Variants in PRDM2 observed in about 807,000 individuals in gnomAD.
PRDM2 encodes PR/SET domain 2.
A neutral mutation model predicts 130.0 loss-of-function variants in PRDM2; 30 were observed. That is an observed-to-expected ratio of 0.23 (90% CI 0.17 to 0.31). The LOEUF (loss-of-function observed/expected upper bound fraction) is 0.31. Ranked by LOEUF, PRDM2 falls within the 10% of genes least tolerant of loss-of-function variation. The pLI, the probability that PRDM2 is intolerant of heterozygous loss-of-function variation, is 1.00. For synonymous variants in PRDM2, 871 were observed against 782.4 expected, an observed-to-expected ratio of 1.11 and a Z score of -1.89; for missense variants, 2,011 against 2,108.4, an observed-to-expected ratio of 0.95 and a Z score of 0.90.
chr1:13,780,387 A>G lies in PRDM2; in HGVS notation c.2592A>G (p.Glu864=). 1 of 1,614,200 alleles carries G rather than the reference A, an allele frequency of 6.2e-7. No individual in the cohort carries two copies. Among genetic ancestry groups the G allele is most frequent in the Non-Finnish European group, 8.5e-7 (1 of 1,180,046 alleles). The change falls in exon 8 of 10, where the codon GAA becomes GAG. Residue 864 remains glutamate, a synonymous_variant. Coordinates refer to ENST00000311066, the MANE Select transcript of PRDM2 (RefSeq NM_001393986.1). ...ATTGTAGTGACTCTGAAGGCAAGGA[A>G]TTCAAAGAAAGTCATTCAGTGCAGC... ...KKHCSDSEGK[E]FKESHSVQPT... is the part of the protein sequence containing the mutation.
intron 6 of PRDM2, among the ~76,000 whole-genome samples, chr1:13,759,162 C>CA (rs1644035900): frequency 7.1e-6 from 1 of 140,950 alleles, no homozygotes; most frequent in African/African-American, 2.6e-5. Flanking sequence ...TTCCCCTACC[C>CA]TTTTTTTTTT....
At chr1:13,742,250 G>T (rs1306126755) in intron 5 of PRDM2, 93 bp downstream of exon 5, 25 of 1,379,932 alleles carry the variant, frequency 1.8e-5, no homozygotes, top group Non-Finnish European at 2.4e-5. Context: ...TCTCAGGCTG[G>T]AGTGCAGGGG....
At chr1:13,795,834 C>G (rs1406304667) in intron 8 of PRDM2, among the ~76,000 whole-genome samples, 1 of 152,178 alleles carries the variant, frequency 6.6e-6, no homozygotes, top group Admixed American at 6.5e-5. Flanking sequence ...ACTTCTCCCC[C>G]TTCTATTTTC....
Position 13,780,876 on chromosome 1 carries a change from GTCCCCC to G in PRDM2, c.3084_3089del (p.Ser1032_Pro1033del). ...CACTTCCAATTCTGTCCCCAACAGT[GTCCCCC>G]TCTCCCTCTCCCATTCCTCCCGTGG... is the stretch of plus-strand genomic sequence containing the variant. On this transcript the variant is annotated inframe_deletion, in exon 8 of 10. Transcript: ENST00000311066. 1 of 1,610,890 alleles carries G rather than the reference GTCCCCC, an allele frequency of 6.2e-7. No individual in the cohort carries two copies. Among genetic ancestry groups the G allele is most frequent in the South Asian group, 1.1e-5 (1 of 90,956 alleles).
chr1:13,789,075 T>A (rs1380303408), intron 8 of PRDM2, among the ~76,000 whole-genome samples: 1 of 152,184 alleles, frequency 6.6e-6, no homozygotes, highest in Non-Finnish European at 1.5e-5. Flanking sequence ...TGTCCCTGGC[T>A]CTGCCTGGAA....
chr1:13,704,665 A>G (rs1015185260), intron 1 of PRDM2, among the ~76,000 whole-genome samples: 2 of 152,208 alleles, frequency 1.3e-5, no homozygotes, highest in Non-Finnish European at 2.9e-5. Flanking sequence ...CACACATTTT[A>G]TATGTGCTTA....
intron 4 of PRDM2, among the ~76,000 whole-genome samples, chr1:13,741,263 G>A (rs894848718): frequency 3.9e-5 from 6 of 152,182 alleles, no homozygotes; most frequent in Non-Finnish European, 7.4e-5. Flanking sequence ...AGAAGGGAAG[G>A]CTTCTTGCAA....
chr1:13,784,356 A>C (rs1644690435), intron 8 of PRDM2, among the ~76,000 whole-genome samples: 1 of 152,210 alleles, frequency 6.6e-6, no homozygotes. Flanking sequence ...GTCTTCAACA[A>C]GCAGAGTGTG....
chr1:13,782,027 A>G lies in PRDM2; in HGVS notation c.4232A>G (p.Lys1411Arg). Reference sequence around the variant, plus strand: ...CTTAACTTTAGTGTTGAGCTCAGCAAAATGTCGTCGAATAAGCTCAAATTA... The same window carrying G: ...CTTAACTTTAGTGTTGAGCTCAGCAGAATGTCGTCGAATAAGCTCAAATTA... ...KRLNFSVELSKMSSNKLKLNA... is the reference protein window; with the variant it reads ...KRLNFSVELSRMSSNKLKLNA... Residue 1411 changes from lysine (K) to arginine (R), a missense_variant, in exon 8 of 10, where the codon AAA becomes AGA. Physicochemically the swap from Lys to Arg is conservative, Grantham distance 26. This residue lies in a region of PRDM2 where 410 missense variants were observed against 395.9 expected (regional missense o/e 1.04). Transcript: ENST00000311066. The G allele has an allele frequency of 6.2e-7, 1 of 1,614,140 alleles. No individual in the cohort carries two copies. Among genetic ancestry groups the G allele is most frequent in the South Asian group, 1.1e-5 (1 of 91,086 alleles).
chr1:13,762,126 AGGCACTGTGT>A (rs1320683597), intron 6 of PRDM2, among the ~76,000 whole-genome samples: 3 of 152,236 alleles, frequency 2.0e-5, no homozygotes, highest in African/African-American at 7.2e-5. Context: ...AGTCTGTGCC[AGGCACTGTGT>A]GGCATTCGTT....
rs1402163168 is a variant in PRDM2, at chr1:13,780,607, G to T, written c.2812G>T (p.Val938Phe). Residue 938 changes from valine (V) to phenylalanine (F), a missense_variant, in exon 8 of 10, where the codon GTT (valine) becomes TTT (phenylalanine). This residue lies in a region of PRDM2 where 1,288 missense variants were observed against 1,237.7 expected (regional missense o/e 1.04). Coordinates refer to ENST00000311066, the MANE Select transcript of PRDM2 (RefSeq NM_001393986.1). Reference protein sequence around the residue: ...GPGSGFPAPTVESTPDVCPSS... With the variant: ...GPGSGFPAPTFESTPDVCPSS... ...GGGCTCTGGTTTCCCTGCCCCTACT[G>T]TTGAGTCCACACCTGATGTTTGTCC... 6.2e-7 allele frequency: 1 copy of T among 1,614,042 alleles called. No individual in the cohort carries two copies. The highest frequency in any genetic ancestry group is 1.1e-5 in the South Asian group (1 of 91,082).
intron 8 of PRDM2, among the ~76,000 whole-genome samples, chr1:13,795,854 T>C (rs2100718395): frequency 6.6e-6 from 1 of 152,332 alleles, no homozygotes; most frequent in East Asian, 1.9e-4. Context: ...CACAGAAGTC[T>C]TTCCAAGCCA....
rs778589720 is a variant in PRDM2, at chr1:13,778,508, A to G, written c.713A>G (p.Glu238Gly). ...GTGGCCAGTCAGGAGGTGCCTCCAGAACTAGCAACCCCTGCCCCTGCCTGG... is the reference window on the plus strand; with the variant it reads ...GTGGCCAGTCAGGAGGTGCCTCCAGGACTAGCAACCCCTGCCCCTGCCTGG... ...QEVASQEVPP[E>G]LATPAPAWEP... The change falls in exon 8 of 10, where the codon GAA (glutamate) becomes GGA (glycine). Residue 238 changes from glutamate (E) to glycine (G), a missense_variant. By Grantham distance (98) the Glu-to-Gly change is moderately conservative. Transcript: ENST00000311066. 4 of 1,614,178 alleles carry G rather than the reference A, an allele frequency of 2.5e-6. No homozygotes were observed. The East Asian group carries it at 6.7e-5, about 27-fold the overall frequency.
chr1:13,799,468 C>T (rs868692939), intron 8 of PRDM2, among the ~76,000 whole-genome samples: 2 of 149,726 alleles, frequency 1.3e-5, no homozygotes, highest in Middle Eastern at 3.5e-3. Context: ...AAAGTGAGAA[C>T]ATTTTGCAAA....
At chr1:13,734,162 T>C (rs1643197038) in intron 4 of PRDM2, among the ~76,000 whole-genome samples, 1 of 152,256 alleles carries the variant, frequency 6.6e-6, no homozygotes, top group Admixed American at 6.5e-5. Flanking sequence ...CATTGCATTC[T>C]GTTATTTCAC....
rs762292463 is a variant in PRDM2, at chr1:13,781,000, T to G, written c.3205T>G (p.Ser1069Ala). The change falls in exon 8 of 10, where the codon TCC (serine) becomes GCC (alanine). Residue 1069 changes from serine to alanine, a missense_variant. Around this residue, in one of 5 missense-constraint regions of PRDM2, gnomAD observed 1,288 missense variants for 1,237.7 expected, o/e 1.04. Coordinates refer to ENST00000311066, the MANE Select transcript of PRDM2 (RefSeq NM_001393986.1). The part of the protein sequence containing the change: ...SSSSSFSSSS[S>A]SSSPSPPPLS... ...CTCCTCTTCGTTTTCTTCTTCATCT[T>G]CCTCCTCTTCTCCTTCTCCACCTCC... is the stretch of plus-strand genomic sequence containing the variant. The G allele has an allele frequency of 6.2e-7, 1 of 1,601,184 alleles. No individual in the cohort carries two copies. Among genetic ancestry groups the G allele is most frequent in the Non-Finnish European group, 8.6e-7 (1 of 1,168,442 alleles).
In PRDM2 at chr1:13,782,295, A is replaced by G. The variant is rs780064496; in HGVS notation, c.4500A>G (p.Ser1500=). The G allele has an allele frequency of 3.7e-6, 6 of 1,614,052 alleles. No individual in the cohort carries two copies. The highest frequency in any genetic ancestry group is 4.5e-5 in the East Asian group (2 of 44,884). ...VSHSSKKGGH[S]SPASSDKNSN... ...ATTCATCTAAGAAAGGTGGACACTC[A>G]TCACCTGCAAGTAGTGACAAAAACA... The change falls in exon 8 of 10, where the codon TCA becomes TCG. Residue 1500 remains serine, a synonymous_variant. Coordinates refer to ENST00000311066, the MANE Select transcript of PRDM2 (RefSeq NM_001393986.1).
At chr1:13,760,619 A>T (rs1203632) in intron 6 of PRDM2, among the ~76,000 whole-genome samples, 4 of 152,066 alleles carry the variant, frequency 2.6e-5, no homozygotes, top group African/African-American at 4.8e-5. Flanking sequence ...CAGCTGCACC[A>T]GTTAATTGCA....
intron 4 of PRDM2, among the ~76,000 whole-genome samples, chr1:13,736,993 A>G (rs1557609021): frequency 6.6e-6 from 1 of 152,242 alleles, no homozygotes; most frequent in African/African-American, 2.4e-5. Context: ...AAACTTTTTT[A>G]TCAGTCAGCG....
Sources: gnomAD v4.1 joint callset for allele counts (sites outside exome capture counted in the v4.1 genomes callset) on GRCh38, gnomAD v4.1.1 for gene constraint, gnomAD v4.1.1 regional missense constraint, MANE v1.5 for transcripts, NCBI Gene and HGNC (gene_info 2026-07-23, HGNC 2026-07-21) for gene names.